Variants in FOXP1 observed in about 807,000 individuals in gnomAD.
FOXP1 encodes forkhead box P1.
In FOXP1, 15 loss-of-function variants were observed where a neutral mutation model predicts 98.2. The ratio of observed to expected loss-of-function variants is 0.15; its 90% confidence interval spans 0.10 to 0.24. The LOEUF (loss-of-function observed/expected upper bound fraction) is 0.24, where lower values mean the gene tolerates loss of function less well. FOXP1 is among the 10% of genes least tolerant of loss of function. The pLI, the probability that FOXP1 is intolerant of heterozygous loss-of-function variation, is 1.00. For synonymous variants in FOXP1, 371 were observed against 314.5 expected (o/e 1.18, Z -1.90); for missense variants, 633 against 848.5 (o/e 0.75, Z 3.15).
chr3:70,996,461 T>C (rs764665452), intron 13 of FOXP1, among the ~76,000 whole-genome samples: 14 of 152,216 alleles, frequency 9.2e-5, no homozygotes, highest in Non-Finnish European at 1.8e-4. Context: ...ATTGTACAGA[T>C]AGCTCTGTGA....
chr3:71,306,631 C>CAAA (rs66479255), intron 4 of FOXP1, among the ~76,000 whole-genome samples: 11 of 42,828 alleles, frequency 2.6e-4, no homozygotes, highest in African/African-American at 7.9e-4. Context: ...GAGAATAAGC[C>CAAA]AAAAAAAAAA....
Position 71,076,731 on chromosome 3 carries a change from G to A in FOXP1, c.283-22958C>T, listed in dbSNP as rs540717786. On this transcript the variant is annotated intron_variant, in intron 7 of 20. Transcript: ENST00000649528. ...ATCTCTTCCTCTTCTCCTTCTTCCTGTTTTGAGCATGGTCTCTGTTCTTCT... is the reference window on the plus strand; with the variant it reads ...ATCTCTTCCTCTTCTCCTTCTTCCTATTTTGAGCATGGTCTCTGTTCTTCT... Among the ~76,000 whole-genome samples, 33 of 152,130 alleles carry A rather than the reference G, an allele frequency of 2.2e-4. No individual in the cohort carries two copies. The South Asian group carries it at 5.0e-3, about 23-fold the overall frequency.
At chr3:71,201,401 T>G (rs951230906) in intron 5 of FOXP1, among the ~76,000 whole-genome samples, 2 of 152,042 alleles carry the variant, frequency 1.3e-5, no homozygotes, top group Admixed American at 1.3e-4. Context: ...ATCCCAGCAC[T>G]TTGGGAGGCC....
At chr3:71,494,219 T>C (rs944466810) in intron 2 of FOXP1, among the ~76,000 whole-genome samples, 2 of 152,162 alleles carry the variant, frequency 1.3e-5, no homozygotes, top group South Asian at 2.1e-4. Flanking sequence ...AGGAGAGCCA[T>C]TTATCATCTC....
chr3:71,210,163 C>T (rs2064345734), intron 5 of FOXP1, among the ~76,000 whole-genome samples: 1 of 152,156 alleles, frequency 6.6e-6, no homozygotes. Flanking sequence ...TGTTGGTCTG[C>T]CCCAACCCCC....
At chr3:71,482,447 C>A (rs1163937483) in intron 3 of FOXP1, among the ~76,000 whole-genome samples, 1 of 147,328 alleles carries the variant, frequency 6.8e-6, no homozygotes, top group Non-Finnish European at 1.5e-5. Context: ...CAGCTCACTG[C>A]AACCTCGGCC....
chr3:71,190,300 C>T (rs763219056), intron 6 of FOXP1, among the ~76,000 whole-genome samples: 5 of 151,912 alleles, frequency 3.3e-5, no homozygotes. Context: ...CTTCCACATA[C>T]GGAGGCTCAA....
At chr3:71,489,704 G>C (rs2090925395) in intron 3 of FOXP1, among the ~76,000 whole-genome samples, 1 of 152,174 alleles carries the variant, frequency 6.6e-6, no homozygotes, top group Non-Finnish European at 1.5e-5. Flanking sequence ...AGCACAAAGA[G>C]AGATACGAAG....
chr3:71,581,337 T>C (rs2048149918), intron 2 of FOXP1: 1 of 985,358 alleles, frequency 1.0e-6, no homozygotes, highest in Non-Finnish European at 1.2e-6. Context: ...GATTTTCAGA[T>C]TTAGGAAAGA....
chr3:71,286,302 T>TCCCCCCCCCCCCCCCCCCC (rs2072125005), intron 5 of FOXP1, among the ~76,000 whole-genome samples: 1 of 142,140 alleles, frequency 7.0e-6, no homozygotes, highest in African/African-American at 2.7e-5. Flanking sequence ...ATGTAGAGTG[T>TCCCCCCCCCCCCCCCCCCC]CCCCCGCCAC....
chr3:71,437,539 A>T (rs145866349), intron 3 of FOXP1, among the ~76,000 whole-genome samples: 14 of 152,304 alleles, frequency 9.2e-5, no homozygotes, highest in Non-Finnish European at 1.2e-4. Flanking sequence ...GATGCACTGG[A>T]CTGGGGCAGA....
intron 3 of FOXP1, among the ~76,000 whole-genome samples, chr3:71,393,983 C>T (rs2081213239): frequency 6.6e-6 from 1 of 152,228 alleles, no homozygotes; most frequent in South Asian, 2.1e-4. Flanking sequence ...GCATGAGCCA[C>T]TGCACTCAGC....
At chr3:71,165,642 A>C (rs2061364675) in intron 6 of FOXP1, among the ~76,000 whole-genome samples, 1 of 152,184 alleles carries the variant, frequency 6.6e-6, no homozygotes, top group Admixed American at 6.6e-5. Context: ...TAAATTTGCC[A>C]TGTGGTCCAT....
intron 3 of FOXP1, among the ~76,000 whole-genome samples, chr3:71,381,437 C>CT (rs1171799165): frequency 0.27 from 20,916 of 77,880 alleles, 3,822 homozygotes; most frequent in Non-Finnish European, 0.36. Context: ...TGCGCCTGGC[C>CT]TTTTTTTTTT....
intron 5 of FOXP1, among the ~76,000 whole-genome samples, chr3:71,286,501 A>G (rs2072156137): frequency 6.6e-6 from 1 of 152,168 alleles, no homozygotes; most frequent in African/African-American, 2.4e-5. Flanking sequence ...ATGAAACCCA[A>G]CCAAAGCAAA....
chr3:71,273,050 T>A lies in FOXP1; in HGVS notation c.-12+26770A>T, dbSNP rs568073986. Among the ~76,000 whole-genome samples, 11 of 152,290 alleles carry A rather than the reference T, an allele frequency of 7.2e-5. No homozygotes were observed. In the East Asian group the frequency reaches 1.7e-3, roughly 24 times the overall value. ...GAGGCCTCACACTCGTGTGTGCGCA[T>A]CCATCTGGCTCCCTCTCTGCTGTTC... is the stretch of plus-strand genomic sequence containing the variant. On this transcript the variant is annotated intron_variant, in intron 5 of 20. Coordinates refer to ENST00000649528, the MANE Select transcript of FOXP1 (RefSeq NM_001349338.3).
chr3:71,429,187 A>G (rs922609417), intron 3 of FOXP1, among the ~76,000 whole-genome samples: 2 of 152,166 alleles, frequency 1.3e-5, no homozygotes, highest in African/African-American at 2.4e-5. Flanking sequence ...AACCTCGCCC[A>G]TGGGTGGGGG....
intron 11 of FOXP1, among the ~76,000 whole-genome samples, chr3:71,032,967 T>C (rs955253460): frequency 2.6e-5 from 4 of 152,162 alleles, no homozygotes; most frequent in Admixed American, 1.3e-4. Context: ...GGTGAAGGTG[T>C]GCAATTCAAC....
chr3:71,438,860 C>A (rs964539341), intron 3 of FOXP1, among the ~76,000 whole-genome samples: 1 of 152,120 alleles, frequency 6.6e-6, no homozygotes, highest in African/African-American at 2.4e-5. Context: ...GTAAATTACA[C>A]AGGCTGGAGG....
Sources: allele counts gnomAD v4.1 joint callset (sites outside exome capture counted in the v4.1 genomes callset), GRCh38; gene constraint gnomAD v4.1.1; transcripts MANE v1.5; gene names NCBI Gene and HGNC (gene_info 2026-07-23, HGNC 2026-07-21).